CRYBB1: variants seen among roughly 807,000 people sequenced by gnomAD.
CRYBB1 encodes beta-crystallin B1.
Under a neutral mutation model 29.5 loss-of-function variants are expected in CRYBB1, and 16 were observed. The observed-to-expected ratio is 0.54, with a 90% CI of 0.37 to 0.82. The LOEUF is 0.82. Ranked by LOEUF, CRYBB1 falls within the 40% of genes least tolerant of loss-of-function variation. The pLI is 0.00. For missense variants in CRYBB1, 300 were observed against 350.5 expected (o/e 0.86, Z 1.15); for synonymous variants, 127 against 136.7 (o/e 0.93, Z 0.49).
At chr22:26,609,207 C>T (rs1351199484) in intron 3 of CRYBB1, among the ~76,000 whole-genome samples, 1 of 152,196 alleles carries the variant, frequency 6.6e-6, no homozygotes, top group Non-Finnish European at 1.5e-5. Context: ...GGATGATGGG[C>T]TATCACCATG....
chr22:26,614,274 A>G (rs183351816), intron 2 of CRYBB1, among the ~76,000 whole-genome samples: 90 of 152,218 alleles, frequency 5.9e-4, no homozygotes, highest in Non-Finnish European at 1.2e-3. Flanking sequence ...GAAACTCCCT[A>G]ATAAAAACTT....
At chr22:26,602,997 A>T (rs8140620) in intron 4 of CRYBB1, among the ~76,000 whole-genome samples, 12 of 151,080 alleles carry the variant, frequency 7.9e-5, no homozygotes, top group Middle Eastern at 3.4e-3. Context: ...TGGTGGTGGG[A>T]GCCTGTAGTC....
At chr22:26,613,230 G>A (rs1929236523) in intron 2 of CRYBB1, among the ~76,000 whole-genome samples, 2 of 152,196 alleles carry the variant, frequency 1.3e-5, no homozygotes, top group African/African-American at 4.8e-5. Flanking sequence ...TCCAAGTTGG[G>A]ACAACGTTGC....
In CRYBB1 at chr22:26,608,125, A is replaced by C. The variant is rs5761626; in HGVS notation, c.300-104T>G. 1,342,100 of 1,558,880 alleles carry C rather than the reference A, an allele frequency of 0.86. 579,384 individuals are homozygous for C. The highest frequency in any genetic ancestry group is 1 in the East Asian group (44,370 of 44,486). On this transcript the variant is annotated intron_variant, in intron 3 of 5. Transcript: ENST00000647684. ...CTCCCCTGGCAAGGCAGCCCTGAGG[A>C]CAGTAGGAAAGTCCAAAGGGGGCTG...
At chr22:26,616,852 A>G (rs1446390111) in intron 1 of CRYBB1, among the ~76,000 whole-genome samples, 2 of 152,230 alleles carry the variant, frequency 1.3e-5, no homozygotes, top group African/African-American at 2.4e-5. Context: ...CTCAGGCCCA[A>G]ACAGCTACTA....
chr22:26,601,549 A>G (rs1022715479), intron 5 of CRYBB1, among the ~76,000 whole-genome samples: 1 of 151,248 alleles, frequency 6.6e-6, no homozygotes, highest in Non-Finnish European at 1.5e-5. Context: ...CTGCTCCTGG[A>G]TGCATCCAGC....
intron 4 of CRYBB1, among the ~76,000 whole-genome samples, chr22:26,607,019 CTTTT>C (rs34126720): frequency 1.8e-5 from 2 of 111,954 alleles, no homozygotes; most frequent in Middle Eastern, 4.3e-3. Context: ...TATCCCTCTC[CTTTT>C]TTTTTTTTTT....
At chr22:26,605,578 G>C (rs576499213) in intron 4 of CRYBB1, among the ~76,000 whole-genome samples, 94 of 150,206 alleles carry the variant, frequency 6.3e-4, no homozygotes, top group Non-Finnish European at 9.7e-4. Flanking sequence ...GGAGGCTGAG[G>C]CAGGAGAATT....
chr22:26,609,921 A>G (rs998322008), intron 3 of CRYBB1, among the ~76,000 whole-genome samples: 3 of 152,188 alleles, frequency 2.0e-5, no homozygotes, highest in Admixed American at 2.0e-4. Context: ...AGGGCCTAAA[A>G]GAGGGAATGC....
At chr22:26,604,868 G>A (rs1280446810) in intron 4 of CRYBB1, among the ~76,000 whole-genome samples, 14 of 152,106 alleles carry the variant, frequency 9.2e-5, no homozygotes. Flanking sequence ...TTAGTCAATG[G>A]CTCCCCACTG....
intron 3 of CRYBB1, among the ~76,000 whole-genome samples, chr22:26,611,160 A>G (rs1929144630): frequency 6.6e-6 from 1 of 152,180 alleles, no homozygotes; most frequent in African/African-American, 2.4e-5. Context: ...AATGAACTCA[A>G]TCAACCTGAG....
chr22:26,610,340 C>T (rs754734021), intron 3 of CRYBB1, among the ~76,000 whole-genome samples: 10 of 152,180 alleles, frequency 6.6e-5, no homozygotes, highest in Non-Finnish European at 1.5e-4. Flanking sequence ...TCACCCTCTT[C>T]ATTCTTTTTT....
chr22:26,614,733 T>G (rs1472248248), intron 2 of CRYBB1, among the ~76,000 whole-genome samples: 1 of 152,198 alleles, frequency 6.6e-6, no homozygotes, highest in East Asian at 1.9e-4. Context: ...GGCTCACACC[T>G]ATAATTCCAG....
At chr22:26,609,841 T>C (rs1020860082) in intron 3 of CRYBB1, among the ~76,000 whole-genome samples, 1 of 152,240 alleles carries the variant, frequency 6.6e-6, no homozygotes, top group Admixed American at 6.5e-5. Flanking sequence ...CACTTACACC[T>C]GCTAAGCTTT....
intron 4 of CRYBB1, among the ~76,000 whole-genome samples, chr22:26,606,822 T>C (rs16982433): frequency 0.034 from 5,124 of 152,284 alleles, 148 homozygotes; most frequent in East Asian, 0.094. Context: ...CAACTAACAT[T>C]GGTGAGTAAG....
intron 3 of CRYBB1, among the ~76,000 whole-genome samples, chr22:26,609,694 G>T (rs950105220): frequency 2.6e-5 from 4 of 152,184 alleles, no homozygotes; most frequent in African/African-American, 9.7e-5. Flanking sequence ...TGAATAAATG[G>T]GTGGATAGAC....
At chr22:26,617,433 G>GT (rs1929392744) in intron 1 of CRYBB1, among the ~76,000 whole-genome samples, 2 of 152,168 alleles carry the variant, frequency 1.3e-5, no homozygotes, top group Non-Finnish European at 1.5e-5. Context: ...CCCTCCCCCA[G>GT]CCTCCTCCAG....
chr22:26,611,491 G>A (rs1286134382), intron 3 of CRYBB1, among the ~76,000 whole-genome samples: 12 of 146,028 alleles, frequency 8.2e-5, no homozygotes, highest in South Asian at 2.2e-4. Context: ...TTTTTGAGAC[G>A]GAGTCTCGCT....
At position 26,606,614 on chromosome 22, in the gene CRYBB1, A is replaced by G. The variant is rs527788797; in HGVS notation, c.432+1275T>C. On this transcript the variant is annotated intron_variant, in intron 4 of 5. Coordinates refer to ENST00000647684, the MANE Select transcript of CRYBB1 (RefSeq NM_001887.4). ...GAGAGACATCTGTGAATTCTTACAG[A>G]GAGTGCATCATGAAGGCAAATAATT... Among the ~76,000 whole-genome samples, 5 of 152,378 alleles carry G rather than the reference A, an allele frequency of 3.3e-5. No individual in the cohort carries two copies. The South Asian group carries it at 1.0e-3, about 32-fold the overall frequency.
Sources: gnomAD v4.1 joint callset for allele counts (sites outside exome capture counted in the v4.1 genomes callset) on GRCh38, gnomAD v4.1.1 for gene constraint, MANE v1.5 for transcripts, NCBI Gene and HGNC (gene_info 2026-07-23, HGNC 2026-07-21) for gene names.